Variants in MYLK observed in about 807,000 individuals in gnomAD.
The protein encoded by MYLK is myosin light chain kinase.
MYLK carries 106 observed loss-of-function variants against 203.4 expected under a neutral mutation model. The observed-to-expected ratio is 0.52, with a 90% CI of 0.45 to 0.61. The LOEUF is 0.61. MYLK is among the 20% of genes least tolerant of loss of function. The pLI is 0.00. For missense variants in MYLK, 2,072 were observed against 2,442.3 expected (o/e 0.85, Z 3.20); for synonymous variants, 867 against 959.5 (o/e 0.90, Z 1.78).
chr3:123,811,370 A>C (rs1161005284), intron 3 of MYLK, among the ~76,000 whole-genome samples: 1 of 152,204 alleles, frequency 6.6e-6, no homozygotes, highest in Admixed American at 6.5e-5. Context: ...CTCAGGGATC[A>C]TGGGCCTTGA....
rs1252444573 is a variant in MYLK at position 123,610,875 on chromosome 3, ACAGT to A, written c.*3226_*3229del. The stretch of plus-strand genomic sequence containing the variant: ...TCTTTACATAAATTTAGAGCTGACA[ACAGT>A]CAGCATGTCTTATTAGTTGCATGTA... On this transcript the variant is annotated 3_prime_UTR_variant, in exon 34 of 34. Coordinates refer to ENST00000360304, the MANE Select transcript of MYLK (RefSeq NM_053025.4). 6.6e-6 allele frequency: 1 copy of A among 152,234 alleles called. No individual in the cohort carries two copies. Among genetic ancestry groups the A allele is most frequent in the Admixed American group, 6.5e-5 (1 of 15,284 alleles). 9.4% of individuals were successfully genotyped at this position (152,234 alleles called of 1,614,324 possible).
chr3:123,629,333 C>T lies in MYLK; in HGVS notation c.5114+141G>A. 1 of 1,033,638 alleles carries T rather than the reference C, an allele frequency of 9.7e-7. No individual in the cohort carries two copies. Among genetic ancestry groups the T allele is most frequent in the Non-Finnish European group, 1.4e-6 (1 of 696,464 alleles). The allele number at this position is 1,033,638 out of a possible 1,614,324, so 64.0% of individuals were successfully genotyped here. ...GCATTCGGGTCTCTTACCATGCCCA[C>T]CCTCCCTTCCTCAGGGAATGCTAGG... is the stretch of plus-strand genomic sequence containing the variant. On this transcript the variant is annotated intron_variant, in intron 30 of 33. Coordinates refer to ENST00000360304, the MANE Select transcript of MYLK (RefSeq NM_053025.4). This position sits in a 1 kb window ranked among gnomAD's most constrained non-coding sequence, Gnocchi z 4.4.
chr3:123,772,424 C>T (rs1055342041), intron 4 of MYLK, among the ~76,000 whole-genome samples: 1 of 151,984 alleles, frequency 6.6e-6, no homozygotes, highest in East Asian at 1.9e-4. Flanking sequence ...TTCAAGATCC[C>T]TTCCTCACAT....
At chr3:123,668,749 A>T (rs1204855719) in intron 20 of MYLK, among the ~76,000 whole-genome samples, 1 of 152,074 alleles carries the variant, frequency 6.6e-6, no homozygotes, top group Non-Finnish European at 1.5e-5. Flanking sequence ...TGCCCCCAGC[A>T]CCCCTCATCC....
chr3:123,782,771 T>C (rs2064351154), intron 4 of MYLK, among the ~76,000 whole-genome samples: 1 of 152,226 alleles, frequency 6.6e-6, no homozygotes, highest in Non-Finnish European at 1.5e-5. Context: ...GCCTTATTAG[T>C]AGAGAGACAG....
At chr3:123,783,859 C>T (rs1659257581) in intron 4 of MYLK, among the ~76,000 whole-genome samples, 1 of 152,158 alleles carries the variant, frequency 6.6e-6, no homozygotes, top group Non-Finnish European at 1.5e-5. Flanking sequence ...TGGAGTCCCA[C>T]AGGAGTGATG....
At chr3:123,655,867 AGT>A (rs1418040878) in intron 24 of MYLK, among the ~76,000 whole-genome samples, 2 of 152,244 alleles carry the variant, frequency 1.3e-5, no homozygotes, top group African/African-American at 4.8e-5. Flanking sequence ...GTAAGCTTAG[AGT>A]AAGTGCTCAA....
At position 123,666,845 on chromosome 3, in the gene MYLK, C is replaced by A. The variant is rs559839818; in HGVS notation, c.3703+292G>T. The stretch of plus-strand genomic sequence containing the variant: ...GTAGGGCAGAGGATGGACAGCAGGG[C>A]AGAATTCGTAGAAGGGGCAGGCAGG... On this transcript the variant is annotated intron_variant, in intron 21 of 33. Transcript: ENST00000360304. 1.3e-4 allele frequency: 74 copies of A among 584,868 alleles called. No individual in the cohort carries two copies. In the South Asian group the frequency reaches 1.5e-3, roughly 12 times the overall value. 36.2% of individuals were successfully genotyped at this position (584,868 alleles called of 1,614,324 possible). A position where few individuals can be genotyped will look rare whatever the true frequency, so the allele number is the denominator to read the frequency against.
In MYLK at chr3:123,831,548, C is replaced by T. The variant is rs989215521; in HGVS notation, c.-4G>A. ...CATAATGTAAACTCTGTTCACTCAC[C>T]ACCGTCTTCTCTGTTGTTTGTTGTG... On this transcript the variant is annotated splice_region_variant and 5_prime_UTR_variant, in exon 3 of 34. Transcript: ENST00000360304. 5.3e-5 allele frequency: 32 copies of T among 604,688 alleles called. No homozygotes were observed. Among genetic ancestry groups the T allele is most frequent in the Non-Finnish European group, 7.1e-5 (30 of 423,378 alleles). The allele number at this position is 604,688 out of a possible 1,614,324, so 37.5% of individuals were successfully genotyped here.
intron 19 of MYLK, among the ~76,000 whole-genome samples, chr3:123,689,071 G>C (rs1029558621): frequency 6.6e-6 from 1 of 152,162 alleles, no homozygotes; most frequent in Non-Finnish European, 1.5e-5. Context: ...TTGAATGACT[G>C]AGTGATGGCA....
At chr3:123,647,457 C>T (rs1433934630) in intron 26 of MYLK, 30 bp from the exon 27 acceptor site, 2 of 1,605,564 alleles carry the variant, frequency 1.2e-6, no homozygotes, top group South Asian at 1.1e-5. Flanking sequence ...GAGAGAAAAG[C>T]CACATTTAGC....
chr3:123,661,827 G>C (rs887496000), intron 23 of MYLK, among the ~76,000 whole-genome samples: 1 of 152,224 alleles, frequency 6.6e-6, no homozygotes, highest in African/African-American at 2.4e-5. Context: ...GGTCCCCTGT[G>C]TCCAGGGACA....
rs1017665023 is a variant in MYLK at position 123,797,962 on chromosome 3, G to T, written c.-3-4118C>A. On this transcript the variant is annotated intron_variant, in intron 3 of 33. Coordinates refer to ENST00000360304, the MANE Select transcript of MYLK (RefSeq NM_053025.4). ...GATATCTTCAGGCAAGGGTCTATGA[G>T]TGAGATGACTGGAAAACAGTAGCAG... Among the ~76,000 whole-genome samples, 126 of 152,354 alleles carry T rather than the reference G, an allele frequency of 8.3e-4. 1 individual carries two copies. Among genetic ancestry groups the T allele is most frequent in the Non-Finnish European group, 1.6e-4 (11 of 68,042 alleles).
In MYLK at chr3:123,700,003, C is replaced by T. The variant is rs1210823408; in HGVS notation, c.3448+17G>A. 3 of 1,614,104 alleles carry T rather than the reference C, an allele frequency of 1.9e-6. No homozygotes were observed. Among genetic ancestry groups the T allele is most frequent in the Middle Eastern group, 3.3e-4 (2 of 6,062 alleles). ...GGTACAGAGGCCCCTTCTTCCCCAA[C>T]CCCCATGCTCATTTACCTTCCTGGG... On this transcript the variant is annotated intron_variant, in intron 18 of 33. Transcript: ENST00000360304.
At chr3:123,654,713 C>CTTTTTTT (rs1201129769) in intron 24 of MYLK, among the ~76,000 whole-genome samples, 5 of 125,284 alleles carry the variant, frequency 4.0e-5, no homozygotes, top group Admixed American at 8.2e-5. Flanking sequence ...TTCTTTAATT[C>CTTTTTTT]TTTTTTTTTT....
intron 29 of MYLK, among the ~76,000 whole-genome samples, chr3:123,634,550 C>A (rs2058566211): frequency 6.6e-6 from 1 of 152,176 alleles, no homozygotes; most frequent in African/African-American, 2.4e-5. Flanking sequence ...CTGTCTGCAC[C>A]ACGGTGGGTG....
intron 3 of MYLK, among the ~76,000 whole-genome samples, chr3:123,809,226 T>C (rs2065471307): frequency 6.6e-6 from 1 of 152,172 alleles, no homozygotes; most frequent in African/African-American, 2.4e-5. Flanking sequence ...TCTCTGGGGT[T>C]AGAAGACCTC....
chr3:123,861,085 G>C (rs1039061414), intron 2 of MYLK, among the ~76,000 whole-genome samples: 2 of 150,280 alleles, frequency 1.3e-5, no homozygotes, highest in African/African-American at 4.9e-5. Flanking sequence ...AGCTGAGATG[G>C]CACCACTGCA....
chr3:123,635,018 C>T (rs1161288985), intron 29 of MYLK, among the ~76,000 whole-genome samples: 1 of 152,216 alleles, frequency 6.6e-6, no homozygotes, highest in Admixed American at 6.5e-5. Context: ...CCAGAAACTG[C>T]CCTGATGGCT....
Sources: allele counts gnomAD v4.1 joint callset (sites outside exome capture counted in the v4.1 genomes callset), GRCh38; gene constraint gnomAD v4.1.1; non-coding constraint Gnocchi (gnomAD v3.1); transcripts MANE v1.5; gene names NCBI Gene and HGNC (gene_info 2026-07-23, HGNC 2026-07-21).